GALNTL6: variants seen among roughly 807,000 people sequenced by gnomAD.
GALNTL6 encodes polypeptide N-acetylgalactosaminyltransferase like 6.
Under a neutral mutation model 73.7 loss-of-function variants are expected in GALNTL6, and 46 were observed. The ratio of observed to expected loss-of-function variants is 0.62; its 90% CI spans 0.49 to 0.80. The LOEUF (loss-of-function observed/expected upper bound fraction) is 0.80. GALNTL6 is among the 30% of genes least tolerant of loss of function. The pLI is 0.00. For missense variants in GALNTL6, 604 were observed against 755.0 expected (o/e 0.80, Z 2.34); for synonymous variants, 259 against 263.7 (o/e 0.98, Z 0.17).
intron 5 of GALNTL6, among the ~76,000 whole-genome samples, chr4:172,690,939 T>C (rs1733244761): frequency 6.6e-6 from 1 of 152,172 alleles, no homozygotes; most frequent in East Asian, 1.9e-4. Flanking sequence ...GGGAGTATTG[T>C]AGAAATACAA....
intron 2 of GALNTL6, among the ~76,000 whole-genome samples, chr4:172,228,150 A>G (rs1208284420): frequency 1.3e-5 from 2 of 152,062 alleles, no homozygotes; most frequent in Non-Finnish European, 2.9e-5. Context: ...AAAATGTTTG[A>G]TTTTTTTAAA....
chr4:172,534,092 C>T (rs1282765113), intron 5 of GALNTL6, among the ~76,000 whole-genome samples: 1 of 152,122 alleles, frequency 6.6e-6, no homozygotes, highest in African/African-American at 2.4e-5. Context: ...AGCCAGCCAC[C>T]ACGGGGAAAT....
At chr4:173,032,664 A>G (rs1322899245) in intron 12 of GALNTL6, among the ~76,000 whole-genome samples, 2 of 152,184 alleles carry the variant, frequency 1.3e-5, no homozygotes, top group African/African-American at 4.8e-5. Context: ...CAGCCTGGGC[A>G]ACAAAGTGAG....
rs142063142 is a variant in GALNTL6 at position 171,924,111 on chromosome 4, G to T, written c.138+109393G>T. On this transcript the variant is annotated intron_variant, in intron 2 of 12. Coordinates refer to ENST00000506823, the MANE Select transcript of GALNTL6 (RefSeq NM_001034845.3). ...TAGCAGTAGAAAAAATAGGCAAAAT[G>T]GTCCCTGCTCTGGCCTCTGGGAATA... Among the ~76,000 whole-genome samples, 20 of 150,914 alleles carry T rather than the reference G, an allele frequency of 1.3e-4. No individual in the cohort carries two copies. The East Asian group carries it at 3.7e-3, about 28-fold the overall frequency.
At chr4:172,075,771 CAG>C (rs150769265) in intron 2 of GALNTL6, among the ~76,000 whole-genome samples, 105 of 148,372 alleles carry the variant, frequency 7.1e-4, no homozygotes, top group Non-Finnish European at 9.0e-4. Flanking sequence ...GGGACAAAGA[CAG>C]AGAGAGAGAG....
In GALNTL6 at chr4:171,813,897, A is replaced by G. The variant is rs1734448830; in HGVS notation, c.-263A>G. 1.3e-5 allele frequency: 2 copies of G among 152,180 alleles called. No homozygotes were observed. The highest frequency in any genetic ancestry group is 1.3e-4 in the Admixed American group (2 of 15,272). The allele number at this position is 152,180 out of a possible 1,614,324, so 9.4% of individuals were successfully genotyped here. On this transcript the variant is annotated 5_prime_UTR_variant, in exon 1 of 13. Coordinates refer to ENST00000506823, the MANE Select transcript of GALNTL6 (RefSeq NM_001034845.3). This position sits in a 1 kb window ranked among gnomAD's most constrained non-coding sequence, Gnocchi z 5.2. ...AGGGTCCGGCACTTCGTGGACCTCC[A>G]TCCGAACCGGAGTTCTGCCCGGATC...
chr4:171,897,568 A>G (rs1736958086), intron 2 of GALNTL6, among the ~76,000 whole-genome samples: 1 of 152,108 alleles, frequency 6.6e-6, no homozygotes, highest in Non-Finnish European at 1.5e-5. Flanking sequence ...CGCGCCTGCA[A>G]TCCCAGCACT....
At chr4:172,327,054 T>C (rs188553381) in intron 4 of GALNTL6, among the ~76,000 whole-genome samples, 10 of 152,166 alleles carry the variant, frequency 6.6e-5, no homozygotes, top group Non-Finnish European at 1.5e-4. Flanking sequence ...TGCTATAAGC[T>C]AATCGATTAG....
chr4:172,024,596 T>C (rs774771185), intron 2 of GALNTL6, among the ~76,000 whole-genome samples: 19 of 151,946 alleles, frequency 1.3e-4, no homozygotes, highest in Non-Finnish European at 2.5e-4. Flanking sequence ...TTGGTTTATG[T>C]AGATTTTAAT....
At chr4:172,480,348 C>G (rs1481805583) in intron 5 of GALNTL6, among the ~76,000 whole-genome samples, 2 of 152,054 alleles carry the variant, frequency 1.3e-5, no homozygotes, top group Admixed American at 1.3e-4. Flanking sequence ...CTCGTGGTCT[C>G]TTTAGTGGCC....
At chr4:172,718,877 A>C (rs72706839) in intron 5 of GALNTL6, among the ~76,000 whole-genome samples, 4,946 of 151,850 alleles carry the variant, frequency 0.033, 116 homozygotes, top group Non-Finnish European at 0.052. Flanking sequence ...TTTTAGGAAT[A>C]AGAGAATCTT....
intron 7 of GALNTL6, among the ~76,000 whole-genome samples, chr4:172,834,039 C>A (rs1402738704): frequency 2.0e-5 from 3 of 152,172 alleles, no homozygotes; most frequent in Admixed American, 6.5e-5. Context: ...AATGCTTGAA[C>A]CCAGGAGACG....
intron 2 of GALNTL6, chr4:172,052,558 A>G (rs533951013): frequency 6.8e-7 from 1 of 1,480,394 alleles, no homozygotes; most frequent in Non-Finnish European, 9.1e-7. Flanking sequence ...AAACGGCTGC[A>G]GTGCAGACCA....
chr4:172,037,786 T>C (rs1215484790), intron 2 of GALNTL6, among the ~76,000 whole-genome samples: 1 of 152,186 alleles, frequency 6.6e-6, no homozygotes, highest in Non-Finnish European at 1.5e-5. Context: ...AAAATTAGTT[T>C]GTTTCTGAAA....
intron 2 of GALNTL6, among the ~76,000 whole-genome samples, chr4:172,007,845 T>C (rs969969544): frequency 5.9e-5 from 9 of 152,294 alleles, no homozygotes; most frequent in African/African-American, 2.2e-4. Context: ...CTTTTATAGA[T>C]GGATCAGAGA....
At chr4:172,767,332 G>A (rs2110849381) in intron 5 of GALNTL6, among the ~76,000 whole-genome samples, 1 of 152,302 alleles carries the variant, frequency 6.6e-6, no homozygotes, top group Non-Finnish European at 1.5e-5. Flanking sequence ...TCCCATGGAT[G>A]TACCAATGTA....
At chr4:172,887,599 T>C (rs1352777568) in intron 8 of GALNTL6, among the ~76,000 whole-genome samples, 2 of 151,900 alleles carry the variant, frequency 1.3e-5, no homozygotes, top group Admixed American at 6.6e-5. Flanking sequence ...AGTCTCACTC[T>C]GTTGCCCAGG....
chr4:172,122,149 C>T (rs1412788544), intron 2 of GALNTL6, among the ~76,000 whole-genome samples: 3 of 150,926 alleles, frequency 2.0e-5, no homozygotes, highest in Non-Finnish European at 4.4e-5. Flanking sequence ...TCGAGCAGAG[C>T]GTGAGCAATG....
intron 2 of GALNTL6, among the ~76,000 whole-genome samples, chr4:171,898,940 G>A (rs1254004687): frequency 1.3e-5 from 2 of 151,804 alleles, no homozygotes; most frequent in Non-Finnish European, 2.9e-5. Context: ...AAGCAATTGA[G>A]TTTCAATATA....
Sources: gnomAD v4.1 joint callset for allele counts (sites outside exome capture counted in the v4.1 genomes callset) on GRCh38, gnomAD v4.1.1 for gene constraint, Gnocchi (gnomAD v3.1) non-coding constraint, MANE v1.5 for transcripts, NCBI Gene and HGNC (gene_info 2026-07-23, HGNC 2026-07-21) for gene names.